NIN: variants seen among roughly 807,000 people sequenced by gnomAD.
The protein encoded by NIN is glycogen synthase kinase 3 beta-interacting protein.
In NIN, 137 loss-of-function variants were observed where a neutral mutation model predicts 257.6. The ratio of observed to expected loss-of-function variants is 0.53; its 90% CI spans 0.46 to 0.61. NIN has a LOEUF of 0.61. Ranked by LOEUF, NIN falls within the 20% of genes least tolerant of loss-of-function variation. The probability of loss-of-function intolerance (pLI) is 0.00; values close to 1 mark genes in which losing one functional copy is unlikely to be tolerated. For missense variants in NIN, 2,439 were observed against 2,501.2 expected, an observed-to-expected ratio of 0.98 and a Z score of 0.53; for synonymous variants, 918 against 919.8, an observed-to-expected ratio of 1.00 and a Z score of 0.04.
At chr14:50,724,319 C>A (rs1049402144) in intron 30 of NIN, 1 of 209,088 alleles carries the variant, frequency 4.8e-6, no homozygotes, top group Non-Finnish European at 9.7e-6. Flanking sequence ...TCCCATGTTA[C>A]AAGTGTTCAT....
intron 19 of NIN, 34 bp downstream of exon 19, chr14:50,754,708 A>T (rs1437453206): frequency 1.3e-6 from 2 of 1,579,394 alleles, no homozygotes; most frequent in Non-Finnish European, 1.7e-6. Context: ...GTCTTTGCAA[A>T]AATGTCTTAG....
chr14:50,790,723 G>T (rs1185905769), intron 5 of NIN, among the ~76,000 whole-genome samples: 10 of 152,290 alleles, frequency 6.6e-5, no homozygotes, highest in African/African-American at 1.9e-4. Flanking sequence ...AAGGGAAGTT[G>T]TAAGTACATC....
At position 50,752,746 on chromosome 14, in the gene NIN, A is replaced by T. The variant is rs2041841565; in HGVS notation, c.4735-13T>A. 2 of 1,501,132 alleles carry T rather than the reference A, an allele frequency of 1.3e-6. No homozygotes were observed. Among genetic ancestry groups the T allele is most frequent in the East Asian group, 4.6e-5 (2 of 43,820 alleles). The allele number at this position is 1,501,132 out of a possible 1,614,324, so 93.0% of individuals were successfully genotyped here. ...TTAATTCTGAAATCTAATTAAAATTAAAATAAGTTTTTCAAACTTGTTACC... is the reference window on the plus strand; with the variant it reads ...TTAATTCTGAAATCTAATTAAAATTTAAATAAGTTTTTCAAACTTGTTACC... On this transcript the variant is annotated splice_polypyrimidine_tract_variant and intron_variant, in intron 20 of 30. Transcript: ENST00000530997.
intron 27 of NIN, among the ~76,000 whole-genome samples, chr14:50,735,958 ACT>A (rs1030983695): frequency 3.3e-5 from 5 of 152,122 alleles, no homozygotes; most frequent in Admixed American, 6.6e-5. Flanking sequence ...TGGACCATGT[ACT>A]CTGATATTTT....
intron 23 of NIN, among the ~76,000 whole-genome samples, chr14:50,744,034 T>C (rs1229502108): frequency 3.3e-5 from 5 of 152,214 alleles, no homozygotes; most frequent in Admixed American, 3.3e-4. Context: ...TTATCGAGTT[T>C]AATAATATAA....
At chr14:50,728,174 AAG>A (rs2040506671) in intron 29 of NIN, among the ~76,000 whole-genome samples, 1 of 152,096 alleles carries the variant, frequency 6.6e-6, no homozygotes, top group South Asian at 2.1e-4. Flanking sequence ...AATAGGGTGT[AAG>A]AGAGCAATGA....
chr14:50,823,549 A>G, intron 2 of NIN: 1 of 223,818 alleles, frequency 4.5e-6, no homozygotes, highest in African/African-American at 2.3e-5. Flanking sequence ...CTTTCCATAG[A>G]CAGCTGTTCA....
chr14:50,745,460 T>C (rs1268260617), intron 22 of NIN, among the ~76,000 whole-genome samples: 1 of 152,190 alleles, frequency 6.6e-6, no homozygotes, highest in East Asian at 1.9e-4. Flanking sequence ...TCTATTTCAC[T>C]TGACTCTTCA....
At chr14:50,810,027 C>A (rs534890159) in intron 3 of NIN, among the ~76,000 whole-genome samples, 1 of 151,684 alleles carries the variant, frequency 6.6e-6, no homozygotes, top group Non-Finnish European at 1.5e-5. Flanking sequence ...GTCAGGAGAT[C>A]GAGACCATCC....
intron 12 of NIN, among the ~76,000 whole-genome samples, chr14:50,768,937 A>G (rs544303428): frequency 6.6e-6 from 1 of 152,346 alleles, no homozygotes; most frequent in Non-Finnish European, 1.5e-5. Flanking sequence ...CATAACTTAC[A>G]GGCTGATGAG....
intron 4 of NIN, among the ~76,000 whole-genome samples, chr14:50,800,239 C>A (rs187484987): frequency 2.0e-5 from 3 of 152,236 alleles, no homozygotes; most frequent in Admixed American, 2.0e-4. Flanking sequence ...AGATAGAGCA[C>A]GATTTGCCTA....
In NIN at chr14:50,747,517, T is replaced by C. The variant is rs567256772; in HGVS notation, c.5064+475A>G. 3.2e-3 allele frequency among the ~76,000 whole-genome samples: 485 copies of C among 152,228 alleles called. 5 individuals are homozygous for C. The highest frequency in any genetic ancestry group is 0.011 in the African/African-American group (466 of 41,546). On this transcript the variant is annotated intron_variant, in intron 22 of 30. Transcript: ENST00000530997. ...AGGGGGCTGACGTGGGTGGATTGCT[T>C]GAACCCAGGAATTCAAGACCAGCCT...
rs1269974669 is a variant in NIN, at chr14:50,721,728, C to A, written c.*1735G>T. 4.5e-6 allele frequency: 1 copy of A among 220,614 alleles called. No individual in the cohort carries two copies. The highest frequency in any genetic ancestry group is 9.1e-6 in the Non-Finnish European group (1 of 110,004). 13.7% of individuals were successfully genotyped at this position (220,614 alleles called of 1,614,324 possible). On this transcript the variant is annotated 3_prime_UTR_variant, in exon 31 of 31. Transcript: ENST00000530997. ...CTCTTTATCCAGGGGGAACTCAGGG[C>A]TTTCTGACAAGAGCTGTGCAAAAAT...
chr14:50,777,703 G>T (rs1300263673), intron 6 of NIN, among the ~76,000 whole-genome samples: 1 of 151,592 alleles, frequency 6.6e-6, no homozygotes, highest in Admixed American at 6.6e-5. Flanking sequence ...ATCAATGGTT[G>T]CAAGCTATAA....
chr14:50,729,864 T>A, intron 28 of NIN, 141 bp from the exon 29 acceptor site: 1 of 589,994 alleles, frequency 1.7e-6, no homozygotes, highest in Non-Finnish European at 2.9e-6. Flanking sequence ...CAGGACAGCA[T>A]ATGGGCCCGA....
intron 4 of NIN, among the ~76,000 whole-genome samples, chr14:50,797,164 C>CTGCTGTTT (rs757609921): frequency 7.2e-5 from 11 of 152,182 alleles, no homozygotes; most frequent in Non-Finnish European, 7.3e-5. Flanking sequence ...TACCAAACAC[C>CTGCTGTTT]TGCCATAGGC....
intron 5 of NIN, among the ~76,000 whole-genome samples, chr14:50,779,862 C>A (rs1295330148): frequency 6.6e-6 from 1 of 152,080 alleles, no homozygotes; most frequent in East Asian, 1.9e-4. Flanking sequence ...GAGAGAGATG[C>A]AACTTAAAAT....
At chr14:50,829,191 G>T (rs1175248539) in intron 2 of NIN, among the ~76,000 whole-genome samples, 4 of 152,134 alleles carry the variant, frequency 2.6e-5, no homozygotes, top group Admixed American at 2.0e-4. Flanking sequence ...GACAATAGCT[G>T]AAGAGACCAC....
intron 2 of NIN, among the ~76,000 whole-genome samples, chr14:50,827,385 GAAT>G (rs1268659452): frequency 6.6e-6 from 1 of 152,144 alleles, no homozygotes; most frequent in Non-Finnish European, 1.5e-5. Flanking sequence ...ATATCACTGT[GAAT>G]GAAATCATGA....
Sources: allele counts gnomAD v4.1 joint callset (sites outside exome capture counted in the v4.1 genomes callset), GRCh38; gene constraint gnomAD v4.1.1; transcripts MANE v1.5; gene names NCBI Gene and HGNC (gene_info 2026-07-23, HGNC 2026-07-21).